EPB41L4B: variants seen among roughly 807,000 people sequenced by gnomAD.
The protein encoded by EPB41L4B is band 4.1-like protein 4B.
A neutral mutation model predicts 112.5 loss-of-function variants in EPB41L4B; 30 were observed. That is an observed-to-expected ratio of 0.27 (90% confidence interval 0.20 to 0.36). EPB41L4B has a LOEUF of 0.36. Ranked by LOEUF, EPB41L4B falls within the 10% of genes least tolerant of loss-of-function variation. The probability of loss-of-function intolerance (pLI) is 1.00; values close to 1 mark genes in which losing one functional copy is unlikely to be tolerated. For missense variants in EPB41L4B, 1,024 were observed against 1,133.3 expected (o/e 0.90, Z 1.38); for synonymous variants, 408 against 439.7 (o/e 0.93, Z 0.90).
chr9:109,222,022 A>G (rs1389417094), intron 15 of EPB41L4B, among the ~76,000 whole-genome samples: 2 of 152,204 alleles, frequency 1.3e-5, no homozygotes, highest in East Asian at 3.9e-4. Flanking sequence ...GCACAGTGGT[A>G]TCATGCATTT....
At chr9:109,295,674 G>T (rs565597136) in intron 1 of EPB41L4B, among the ~76,000 whole-genome samples, 25 of 152,196 alleles carry the variant, frequency 1.6e-4, no homozygotes, top group African/African-American at 5.8e-4. Context: ...TCAGGCGACT[G>T]TATTATGGAC....
intron 6 of EPB41L4B, among the ~76,000 whole-genome samples, chr9:109,258,605 C>T (rs1835070834): frequency 6.6e-6 from 1 of 152,198 alleles, no homozygotes; most frequent in Non-Finnish European, 1.5e-5. Flanking sequence ...GGGTAGAACC[C>T]TGAATTTGCA....
chr9:109,214,991 T>C (rs1479589060), intron 16 of EPB41L4B, among the ~76,000 whole-genome samples: 2 of 152,090 alleles, frequency 1.3e-5, no homozygotes, highest in Non-Finnish European at 2.9e-5. Context: ...GCAGTGTGGA[T>C]AGTGATGAGG....
Position 109,176,626 on chromosome 9 carries a change from A to G in EPB41L4B, c.2558T>C (p.Leu853Pro), listed in dbSNP as rs1467195802. The G allele has an allele frequency of 1.2e-6, 2 of 1,613,906 alleles. No individual in the cohort carries two copies. Among genetic ancestry groups the G allele is most frequent in the Admixed American group, 1.7e-5 (1 of 59,974 alleles). Residue 853 changes from leucine to proline, a missense_variant, in exon 25 of 26, where the codon CTG (leucine) becomes CCG (proline). Transcript: ENST00000374566. ...GGAGACGGTCTCTGTCAAAGGCCTC[A>G]GGGTCGCTGCTGGGATCAGCGGGGA... ...PTSPLIPAAT[L>P]RPLTETVSTV...
At chr9:109,263,360 G>A (rs1409882966) in intron 5 of EPB41L4B, among the ~76,000 whole-genome samples, 1 of 152,198 alleles carries the variant, frequency 6.6e-6, no homozygotes, top group Non-Finnish European at 1.5e-5. Context: ...ACTGAATTTG[G>A]CAAGAATGGA....
chr9:109,277,019 C>A (rs894203367), intron 2 of EPB41L4B, among the ~76,000 whole-genome samples: 2 of 152,168 alleles, frequency 1.3e-5, no homozygotes, highest in Non-Finnish European at 2.9e-5. Flanking sequence ...AGGAGCAAGG[C>A]AGCCTATCTA....
intron 25 of EPB41L4B, among the ~76,000 whole-genome samples, chr9:109,176,050 G>T (rs10979728): frequency 3.0e-5 from 1 of 32,926 alleles, no homozygotes; most frequent in Non-Finnish European, 5.6e-5. Context: ...TCACACACAC[G>T]CACACACACA....
At chr9:109,319,768 G>A (rs1837778713) in intron 1 of EPB41L4B, among the ~76,000 whole-genome samples, 1 of 152,146 alleles carries the variant, frequency 6.6e-6, no homozygotes. Flanking sequence ...GTATCAGGAA[G>A]ACCCCTGCTG....
chr9:109,230,101 C>T (rs968361084), intron 15 of EPB41L4B, among the ~76,000 whole-genome samples: 1 of 152,192 alleles, frequency 6.6e-6, no homozygotes. Flanking sequence ...ACCCCAAAAT[C>T]TAACATTTTT....
chr9:109,249,266 C>T (rs1365826049), intron 13 of EPB41L4B, among the ~76,000 whole-genome samples: 1 of 151,790 alleles, frequency 6.6e-6, no homozygotes, highest in Admixed American at 6.6e-5. Context: ...CAGAGCTAGG[C>T]TCTGAACCAG....
chr9:109,246,285 C>A (rs1421647751), intron 14 of EPB41L4B, among the ~76,000 whole-genome samples: 2 of 152,062 alleles, frequency 1.3e-5, no homozygotes, highest in Admixed American at 6.6e-5. Flanking sequence ...ACCTATAACC[C>A]CAGATACTTG....
rs193060569 is a variant in EPB41L4B, at chr9:109,207,517, A to T, written c.1878+407T>A. Among the ~76,000 whole-genome samples, 482 of 152,262 alleles carry T rather than the reference A, an allele frequency of 3.2e-3. 2 individuals are homozygous for T. Among genetic ancestry groups the T allele is most frequent in the African/African-American group, 0.011 (462 of 41,538 alleles). Reference sequence around the variant, plus strand: ...AGGCTGTGAGGTTGAGGCTGCAGTGAGCCATGATCCCACCACTGCAGCCCA... The same window carrying T: ...AGGCTGTGAGGTTGAGGCTGCAGTGTGCCATGATCCCACCACTGCAGCCCA... On this transcript the variant is annotated intron_variant, in intron 18 of 25. Transcript: ENST00000374566.
intron 1 of EPB41L4B, among the ~76,000 whole-genome samples, chr9:109,307,017 T>G (rs796789847): frequency 6.9e-6 from 1 of 144,616 alleles, no homozygotes; most frequent in East Asian, 2.4e-4. Flanking sequence ...CTGCAGTTGT[T>G]TTTTTTTTTT....
intron 18 of EPB41L4B, among the ~76,000 whole-genome samples, chr9:109,205,090 C>T (rs1010783715): frequency 6.6e-6 from 1 of 152,178 alleles, no homozygotes; most frequent in Non-Finnish European, 1.5e-5. Flanking sequence ...AGGCTTCTTT[C>T]CTGCAGGACT....
intron 1 of EPB41L4B, among the ~76,000 whole-genome samples, chr9:109,313,433 G>C (rs565118860): frequency 6.7e-6 from 1 of 149,368 alleles, no homozygotes; most frequent in East Asian, 1.9e-4. Context: ...TAGGGTGGTG[G>C]GGGGGCACAC....
chr9:109,267,967 C>T (rs763211677), intron 3 of EPB41L4B, among the ~76,000 whole-genome samples: 1 of 152,146 alleles, frequency 6.6e-6, no homozygotes, highest in Non-Finnish European at 1.5e-5. Context: ...TTAAAAATTA[C>T]CCAAGCATAA....
Position 109,256,478 on chromosome 9 carries a change from C to T in EPB41L4B, c.755G>A (p.Gly252Glu), listed in dbSNP as rs2119029453. The change falls in exon 8 of 26, where the codon GGA becomes GAA. Residue 252 changes from glycine to glutamate, a missense_variant and splice_region_variant. Coordinates refer to ENST00000374566, the MANE Select transcript of EPB41L4B (RefSeq NM_019114.5). ...DIFQRWKECR[G>E]KSPAQAELSY... ...GAGTTCCGCCTGGGCAGGGCTCTTT[C>T]CCCTTAGAAAAACCAATGGAAATAC... The T allele has an allele frequency of 6.2e-7, 1 of 1,613,704 alleles. No individual in the cohort carries two copies. The highest frequency in any genetic ancestry group is 8.5e-7 in the Non-Finnish European group (1 of 1,179,900).
chr9:109,320,085 G>T, intron 1 of EPB41L4B, 56 bp downstream of exon 1: 1 of 1,350,816 alleles, frequency 7.4e-7, no homozygotes, highest in Non-Finnish European at 9.6e-7. Context: ...TGGGGGAGGG[G>T]GAGCTGCCTC....
At position 109,185,575 on chromosome 9, in the gene EPB41L4B, G is replaced by A. The variant is rs762868777; in HGVS notation, c.2332C>T (p.His778Tyr). ...AEPASNPHCA[H>Y]SRCSPPLSLP... ...GAGAGTGGAGGAGAACAGCGAGAGT[G>A]GGCACAGTGGGGGTTGCTGGCGGGC... The change falls in exon 23 of 26, where the codon CAC becomes TAC. Residue 778 changes from histidine (H) to tyrosine (Y), a missense_variant. His to Tyr is a moderately conservative substitution (Grantham distance 83). Coordinates refer to ENST00000374566, the MANE Select transcript of EPB41L4B (RefSeq NM_019114.5). 5.6e-6 allele frequency: 9 copies of A among 1,612,536 alleles called. No individual in the cohort carries two copies. The African/African-American group carries it at 9.3e-5, about 17-fold the overall frequency.
Sources: gnomAD v4.1 joint callset for allele counts (sites outside exome capture counted in the v4.1 genomes callset) on GRCh38, gnomAD v4.1.1 for gene constraint, MANE v1.5 for transcripts, NCBI Gene and HGNC (gene_info 2026-07-23, HGNC 2026-07-21) for gene names.